The following SH3GL3 variants were observed in gnomAD, a reference collection of about 807,000 sequenced individuals.
SH3GL3 encodes endophilin-A3.
In SH3GL3, 33 loss-of-function variants were observed where a neutral mutation model predicts 47.7. That is an observed-to-expected ratio of 0.69 (90% confidence interval 0.52 to 0.92). SH3GL3 has a LOEUF of 0.92. Ranked by LOEUF, SH3GL3 falls within the 40% of genes least tolerant of loss-of-function variation. The pLI is 0.00. For missense variants in SH3GL3, 363 were observed against 417.8 expected, an observed-to-expected ratio of 0.87 and a Z score of 1.14; for synonymous variants, 155 against 148.8, an observed-to-expected ratio of 1.04 and a Z score of -0.30.
intron 8 of SH3GL3, among the ~76,000 whole-genome samples, chr15:83,617,441 T>G (rs576672326): frequency 2.2e-4 from 34 of 152,182 alleles, no homozygotes; most frequent in Non-Finnish European, 4.4e-4. Flanking sequence ...CTTTGGGAGG[T>G]TGAGGTGAGC....
chr15:83,630,678 A>T, the SH3GL3 span, among the ~76,000 whole-genome samples: 1 of 152,148 alleles, frequency 6.6e-6, no homozygotes, highest in Admixed American at 6.5e-5. Context: ...ACTCACCATC[A>T]TGAGAACAGC....
intron 1 of SH3GL3, among the ~76,000 whole-genome samples, chr15:83,533,774 T>C (rs1676470003): frequency 1.3e-5 from 2 of 152,148 alleles, no homozygotes; most frequent in South Asian, 4.1e-4. Context: ...TCTGTTTCTT[T>C]GGTGATTGCA....
the SH3GL3 span, among the ~76,000 whole-genome samples, chr15:83,624,986 C>A: frequency 6.6e-6 from 1 of 152,120 alleles, no homozygotes; most frequent in Non-Finnish European, 1.5e-5. Context: ...CCAGGCCAGG[C>A]ACGGTGGCTT....
intron 2 of SH3GL3, among the ~76,000 whole-genome samples, chr15:83,562,477 G>T (rs1199817213): frequency 6.6e-6 from 1 of 152,138 alleles, no homozygotes; most frequent in Non-Finnish European, 1.5e-5. Flanking sequence ...AGCACTCTAA[G>T]TTATATTTTA....
chr15:83,461,567 TTATC>T (rs2040301378), intron 1 of SH3GL3, among the ~76,000 whole-genome samples: 1 of 152,102 alleles, frequency 6.6e-6, no homozygotes, highest in Non-Finnish European at 1.5e-5. Flanking sequence ...TCTCCCTATC[TTATC>T]TCTCTAAAAT....
At chr15:83,629,612 G>T in the SH3GL3 span, among the ~76,000 whole-genome samples, 2 of 152,270 alleles carry the variant, frequency 1.3e-5, no homozygotes, top group Non-Finnish European at 2.9e-5. Flanking sequence ...TTCAGGCCAG[G>T]AGTTCAAGAC....
intron 8 of SH3GL3, among the ~76,000 whole-genome samples, chr15:83,592,354 T>G (rs2060130305): frequency 6.6e-6 from 1 of 152,140 alleles, no homozygotes; most frequent in South Asian, 2.1e-4. Flanking sequence ...CTCCTCCCCT[T>G]TTTTCCCTGC....
intron 1 of SH3GL3, among the ~76,000 whole-genome samples, chr15:83,490,270 T>C (rs968360592): frequency 6.6e-6 from 1 of 151,548 alleles, no homozygotes; most frequent in Non-Finnish European, 1.5e-5. Context: ...TTTGCGTTTT[T>C]TTTTTTTTTT....
intron 1 of SH3GL3, among the ~76,000 whole-genome samples, chr15:83,456,582 C>T (rs1323644548): frequency 8.6e-6 from 1 of 116,190 alleles, no homozygotes; most frequent in Non-Finnish European, 1.8e-5. Context: ...CCAGGTGCGT[C>T]CGTCACCCCT....
chr15:83,559,598 C>T (rs942197166), intron 2 of SH3GL3, among the ~76,000 whole-genome samples: 5 of 152,186 alleles, frequency 3.3e-5, no homozygotes, highest in African/African-American at 9.7e-5. Flanking sequence ...GATGGGCAAT[C>T]TTGGCAGTTA....
chr15:83,484,093 A>G (rs960586895), intron 1 of SH3GL3, among the ~76,000 whole-genome samples: 2 of 152,180 alleles, frequency 1.3e-5, no homozygotes, highest in Non-Finnish European at 1.5e-5. Flanking sequence ...TACTGATTGT[A>G]TCTTTCAGCA....
intron 1 of SH3GL3, among the ~76,000 whole-genome samples, chr15:83,522,849 AT>A (rs1212041128): frequency 6.6e-6 from 1 of 152,172 alleles, no homozygotes; most frequent in Non-Finnish European, 1.5e-5. Context: ...TTGAAAACCT[AT>A]TTTTAAAAAC....
intron 1 of SH3GL3, among the ~76,000 whole-genome samples, chr15:83,487,449 A>T (rs2041655045): frequency 6.6e-6 from 1 of 151,910 alleles, no homozygotes; most frequent in Non-Finnish European, 1.5e-5. Flanking sequence ...TCTGTTTGGT[A>T]TGTGGACTAT....
chr15:83,618,451 A>C lies in SH3GL3; in HGVS notation c.*164A>C, dbSNP rs1313386652. On this transcript the variant is annotated 3_prime_UTR_variant, in exon 9 of 9. Coordinates refer to ENST00000427482, the MANE Select transcript of SH3GL3 (RefSeq NM_003027.5). ...ATTTTATATCACTTTAATTTGTATA[A>C]ATGATTTTCTTGTCCTTGCTACATG... The C allele has an allele frequency of 1.0e-4, 60 of 578,648 alleles. No individual in the cohort carries two copies. The highest frequency in any genetic ancestry group is 6.6e-4 in the South Asian group (29 of 44,226). 35.8% of individuals were successfully genotyped at this position (578,648 alleles called of 1,614,324 possible).
At chr15:83,516,749 T>C (rs148302885) in intron 1 of SH3GL3, among the ~76,000 whole-genome samples, 1,545 of 152,144 alleles carry the variant, frequency 0.01, 11 homozygotes, top group African/African-American at 0.014. Context: ...ATTTGCAGCA[T>C]TGGGGATTAC....
At chr15:83,613,213 G>A (rs1303614920) in intron 8 of SH3GL3, among the ~76,000 whole-genome samples, 1 of 152,216 alleles carries the variant, frequency 6.6e-6, no homozygotes, top group Admixed American at 6.5e-5. Flanking sequence ...TAGTGTTGTA[G>A]CCAGCCCAGT....
intron 6 of SH3GL3, among the ~76,000 whole-genome samples, chr15:83,580,153 G>A (rs145203872): frequency 1.4e-4 from 21 of 152,270 alleles, no homozygotes; most frequent in Non-Finnish European, 2.2e-4. Flanking sequence ...GTCACAACCC[G>A]CACGTCCAAC....
At chr15:83,490,992 G>T in intron 1 of SH3GL3, 1 of 1,588,930 alleles carries the variant, frequency 6.3e-7, no homozygotes, top group Non-Finnish European at 8.6e-7. Flanking sequence ...AGCACTGAAA[G>T]AAGGTACAGA....
intron 5 of SH3GL3, among the ~76,000 whole-genome samples, chr15:83,575,117 T>C (rs1596293172): frequency 1.3e-5 from 2 of 152,288 alleles, no homozygotes; most frequent in Admixed American, 1.3e-4. Flanking sequence ...GGAGATGTTT[T>C]TGCAAATTAT....
Sources: allele counts gnomAD v4.1 joint callset (sites outside exome capture counted in the v4.1 genomes callset), GRCh38; gene constraint gnomAD v4.1.1; transcripts MANE v1.5; gene names NCBI Gene and HGNC (gene_info 2026-07-23, HGNC 2026-07-21).